Variants in CDH6 observed in about 807,000 individuals in gnomAD.
The protein encoded by CDH6 is cadherin-6.
CDH6 carries 31 observed loss-of-function variants against 78.0 expected under a neutral mutation model. That is an observed-to-expected ratio of 0.40 (90% CI 0.30 to 0.54). The LOEUF is 0.54. Among genes scored for constraint, CDH6 ranks in the 20% least tolerant of loss-of-function variants. The pLI, the probability that CDH6 is intolerant of heterozygous loss-of-function variation, is 0.56. For synonymous variants in CDH6, 376 were observed against 368.8 expected (o/e 1.02, Z -0.23); for missense variants, 724 against 975.9 (o/e 0.74, Z 3.44).
chr5:31,322,118 A>G (rs1738490568), intron 11 of CDH6, among the ~76,000 whole-genome samples: 1 of 152,228 alleles, frequency 6.6e-6, no homozygotes, highest in Non-Finnish European at 1.5e-5. Flanking sequence ...TCTCACTTAC[A>G]TGTATTTATT....
rs774674205 is a variant in CDH6 at position 31,269,283 on chromosome 5, C to CGG, written c.228+1589_228+1590dup. ...ATATTCTTAAAAAAAAAAAAAAAAGCGGGGGGGGCAGGTTATTTCAGGATA... is the reference window on the plus strand; with the variant it reads ...ATATTCTTAAAAAAAAAAAAAAAAGCGGGGGGGGGGCAGGTTATTTCAGGATA... On this transcript the variant is annotated intron_variant, in intron 2 of 11. Coordinates refer to ENST00000265071, the MANE Select transcript of CDH6 (RefSeq NM_004932.4). 6.7e-5 allele frequency among the ~76,000 whole-genome samples: 6 copies of CGG among 89,642 alleles called. 1 individual carries two copies. Among genetic ancestry groups the CGG allele is most frequent in the East Asian group, 3.8e-4 (1 of 2,602 alleles). The allele number at this position is 89,642 out of a possible 152,430, so 58.8% of individuals were successfully genotyped here.
chr5:31,253,396 T>C (rs1298087856), intron 1 of CDH6, among the ~76,000 whole-genome samples: 1 of 152,204 alleles, frequency 6.6e-6, no homozygotes, highest in African/African-American at 2.4e-5. Context: ...GAAGGACATG[T>C]TTGCTTTCCC....
chr5:31,207,913 G>T (rs1341724631), intron 1 of CDH6, among the ~76,000 whole-genome samples: 4 of 152,166 alleles, frequency 2.6e-5, no homozygotes, highest in African/African-American at 7.2e-5. Flanking sequence ...GCCTGTTGGG[G>T]TGATCAAGCC....
chr5:31,309,188 G>C (rs1180910894), intron 7 of CDH6, among the ~76,000 whole-genome samples: 1 of 151,950 alleles, frequency 6.6e-6, no homozygotes, highest in African/African-American at 2.4e-5. Context: ...AATTCAACTT[G>C]ATATTATACC....
At chr5:31,272,391 A>G (rs1001887595) in intron 2 of CDH6, among the ~76,000 whole-genome samples, 1 of 152,222 alleles carries the variant, frequency 6.6e-6, no homozygotes, top group African/African-American at 2.4e-5. Flanking sequence ...TAAACTTAAT[A>G]TAATAGAAAA....
chr5:31,223,727 A>G (rs544196086), intron 1 of CDH6, among the ~76,000 whole-genome samples: 6 of 152,332 alleles, frequency 3.9e-5, no homozygotes, highest in Admixed American at 6.5e-5. Flanking sequence ...CAATATAATC[A>G]TTACTAATTA....
intron 1 of CDH6, among the ~76,000 whole-genome samples, chr5:31,227,525 C>T (rs1406471769): frequency 6.6e-6 from 1 of 152,090 alleles, no homozygotes; most frequent in African/African-American, 2.4e-5. Flanking sequence ...TTTTTCCCAG[C>T]GTTCTAGAAT....
chr5:31,282,250 G>A (rs1385163592), intron 2 of CDH6, among the ~76,000 whole-genome samples: 2 of 152,154 alleles, frequency 1.3e-5, no homozygotes, highest in Non-Finnish European at 2.9e-5. Context: ...GTGTCTGCAA[G>A]ATGTCTTTAT....
chr5:31,221,945 A>T (rs1741013998), intron 1 of CDH6, among the ~76,000 whole-genome samples: 1 of 152,026 alleles, frequency 6.6e-6, no homozygotes, highest in South Asian at 2.1e-4. Flanking sequence ...TGTTGTGTGG[A>T]TTATATGAGA....
At chr5:31,219,683 G>A (rs1484095300) in intron 1 of CDH6, among the ~76,000 whole-genome samples, 1 of 152,104 alleles carries the variant, frequency 6.6e-6, no homozygotes, top group Non-Finnish European at 1.5e-5. Context: ...AATTTCCCCT[G>A]ATGGATTCCA....
chr5:31,239,963 T>C (rs1204026290), intron 1 of CDH6, among the ~76,000 whole-genome samples: 4 of 152,222 alleles, frequency 2.6e-5, no homozygotes, highest in Non-Finnish European at 5.9e-5. Context: ...GGATTTTACT[T>C]TCTCTTTTTA....
rs539577084 is a variant in CDH6 at position 31,307,452 on chromosome 5, G to T, written c.1253+2025G>T. ...ACTGGGCAAATAAACTCTTGTTTTAGCATCCTACTGGAATATCTACAAGAC... is the reference window on the plus strand; with the variant it reads ...ACTGGGCAAATAAACTCTTGTTTTATCATCCTACTGGAATATCTACAAGAC... On this transcript the variant is annotated intron_variant, in intron 7 of 11. Transcript: ENST00000265071. Among the ~76,000 whole-genome samples, 88 of 152,274 alleles carry T rather than the reference G, an allele frequency of 5.8e-4. 1 individual carries two copies. Among genetic ancestry groups the T allele is most frequent in the African/African-American group, 2.0e-3 (83 of 41,548 alleles).
chr5:31,218,004 G>A (rs900842989), intron 1 of CDH6, among the ~76,000 whole-genome samples: 2 of 151,956 alleles, frequency 1.3e-5, no homozygotes, highest in African/African-American at 2.4e-5. Context: ...AATAGAGATG[G>A]CATTTGTTTT....
chr5:31,253,549 T>C (rs1741971578), intron 1 of CDH6, among the ~76,000 whole-genome samples: 1 of 152,160 alleles, frequency 6.6e-6, no homozygotes, highest in Non-Finnish European at 1.5e-5. Context: ...AGGACCTCTC[T>C]GGGATCTCCT....
chr5:31,271,837 G>T (rs1742538986), intron 2 of CDH6, among the ~76,000 whole-genome samples: 1 of 152,128 alleles, frequency 6.6e-6, no homozygotes, highest in African/African-American at 2.4e-5. Flanking sequence ...ATCCCCAGGT[G>T]AATCGTACGC....
chr5:31,279,781 GTTCAAA>G (rs2149939710), intron 2 of CDH6, among the ~76,000 whole-genome samples: 2 of 152,300 alleles, frequency 1.3e-5, no homozygotes, highest in South Asian at 4.1e-4. Context: ...GACGCATACA[GTTCAAA>G]TTCATGTTGT....
intron 1 of CDH6, among the ~76,000 whole-genome samples, chr5:31,198,325 G>C (rs1403361317): frequency 6.6e-6 from 1 of 152,126 alleles, no homozygotes; most frequent in African/African-American, 2.4e-5. Context: ...AGATCACCTT[G>C]TTATGATTTA....
rs1404467166 is a variant in CDH6 at position 31,302,797 on chromosome 5, AG to A, written c.999+500del. On this transcript the variant is annotated intron_variant, in intron 6 of 11. Coordinates refer to ENST00000265071, the MANE Select transcript of CDH6 (RefSeq NM_004932.4). Reference sequence around the variant, plus strand: ...AGAAGAAAGAGAGAGAGAGAGAGAGAGAGAAAGAAAGAAAGAAAGAAAGAAA... The same window carrying A: ...AGAAGAAAGAGAGAGAGAGAGAGAGAAGAAAGAAAGAAAGAAAGAAAGAAA... Among the ~76,000 whole-genome samples the A allele has an allele frequency of 7.3e-3, 252 of 34,306 alleles. 5 individuals are homozygous for A. The highest frequency in any genetic ancestry group is 0.023 in the African/African-American group (226 of 9,780). 22.5% of individuals were successfully genotyped at this position (34,306 alleles called of 152,430 possible).
At chr5:31,276,060 G>A (rs4867061) in intron 2 of CDH6, among the ~76,000 whole-genome samples, 25,527 of 152,086 alleles carry the variant, frequency 0.17, 2,463 homozygotes, top group East Asian at 0.24. Context: ...GCTGCTGGGC[G>A]CAAACTCCCA....
Sources: allele counts gnomAD v4.1 joint callset (sites outside exome capture counted in the v4.1 genomes callset), GRCh38; gene constraint gnomAD v4.1.1; transcripts MANE v1.5; gene names NCBI Gene and HGNC (gene_info 2026-07-23, HGNC 2026-07-21).